The following TFG variants were observed in gnomAD, a reference collection of about 807,000 sequenced individuals.
The protein encoded by TFG is trafficking from ER to golgi regulator, also known as protein TFG.
TFG carries 22 observed loss-of-function variants against 51.4 expected under a neutral mutation model. That is an observed-to-expected ratio of 0.43 (90% confidence interval 0.31 to 0.61). The LOEUF (loss-of-function observed/expected upper bound fraction) is 0.61. Among genes scored for constraint, TFG ranks in the 20% least tolerant of loss-of-function variants. TFG has a pLI of 0.12. For synonymous variants in TFG, 187 were observed against 165.6 expected, an observed-to-expected ratio of 1.13 and a Z score of -0.99; for missense variants, 419 against 487.7, an observed-to-expected ratio of 0.86 and a Z score of 1.33.
At chr3:100,713,447 G>A (rs1237065907) in intron 1 of TFG, among the ~76,000 whole-genome samples, 196 bp from the exon 2 acceptor site, 1 of 152,158 alleles carries the variant, frequency 6.6e-6, no homozygotes, top group African/African-American at 2.4e-5. Flanking sequence ...AAAAATAATA[G>A]TAGACGTAAA....
chr3:100,724,824 G>A (rs1213641365), intron 3 of TFG, among the ~76,000 whole-genome samples: 7 of 152,172 alleles, frequency 4.6e-5, no homozygotes, highest in Non-Finnish European at 1.0e-4. Flanking sequence ...GATTAAAGGA[G>A]AAAAACTAGA....
chr3:100,724,569 A>G (rs1366128059), intron 3 of TFG, among the ~76,000 whole-genome samples: 1 of 152,194 alleles, frequency 6.6e-6, no homozygotes, highest in Non-Finnish European at 1.5e-5. Context: ...CAAACTATTC[A>G]AGAGCATAGG....
At chr3:100,741,046 A>G (rs2095119878) in intron 6 of TFG, among the ~76,000 whole-genome samples, 1 of 152,216 alleles carries the variant, frequency 6.6e-6, no homozygotes, top group Non-Finnish European at 1.5e-5. Flanking sequence ...GTCATATAAA[A>G]GTGTAGCTCA....
chr3:100,746,088 T>C (rs753897840), intron 7 of TFG, among the ~76,000 whole-genome samples: 1 of 152,206 alleles, frequency 6.6e-6, no homozygotes, highest in Non-Finnish European at 1.5e-5. Context: ...ATAAAATACA[T>C]AGAACTTAAG....
chr3:100,741,808 T>A (rs2095121996), intron 6 of TFG, among the ~76,000 whole-genome samples: 1 of 152,176 alleles, frequency 6.6e-6, no homozygotes, highest in Admixed American at 6.6e-5. Context: ...TATGTTTAGA[T>A]ACACAAATAA....
chr3:100,709,752 G>C (rs1003837518), intron 1 of TFG, 31 bp downstream of exon 1: 1 of 151,396 alleles, frequency 6.6e-6, no homozygotes, highest in Non-Finnish European at 1.5e-5. Context: ...GGTTGCGGGC[G>C]CTCTGTCCGA....
intron 2 of TFG, among the ~76,000 whole-genome samples, chr3:100,714,095 C>G (rs945570429): frequency 6.6e-6 from 1 of 151,640 alleles, no homozygotes; most frequent in African/African-American, 2.4e-5. Flanking sequence ...TGTTATTTTG[C>G]CCATTTTTAT....
chr3:100,744,831 A>G lies in TFG; in HGVS notation c.722-2A>G. 1 of 1,607,826 alleles carries G rather than the reference A, an allele frequency of 6.2e-7. No individual in the cohort carries two copies. On this transcript the variant is annotated splice_acceptor_variant, in intron 6 of 7. Coordinates refer to ENST00000240851, the MANE Select transcript of TFG (RefSeq NM_006070.6). LOFTEE classifies it high-confidence loss of function. ...CTTGTGTGTGTGTGTGTGTGTTTTC[A>G]GGTCAGATGTACCAACAGTACCAGC...
chr3:100,733,638 A>G (rs2095097888), intron 5 of TFG, among the ~76,000 whole-genome samples: 1 of 152,050 alleles, frequency 6.6e-6, no homozygotes, highest in Admixed American at 6.6e-5. Flanking sequence ...CAACTCCAGT[A>G]GGGTCACATT....
chr3:100,709,361 A>G (rs190536612), upstream of TFG: 530 of 152,574 alleles, frequency 3.5e-3, 5 homozygotes, highest in Non-Finnish European at 5.0e-3. Flanking sequence ...GTGAGAAAGC[A>G]GGGACTCTTC....
intron 4 of TFG, 122 bp downstream of exon 4, chr3:100,728,980 C>A: frequency 1.2e-6 from 1 of 819,728 alleles, no homozygotes; most frequent in Non-Finnish European, 1.9e-6. Flanking sequence ...TCTTCCTCTG[C>A]CTCTCTACTA....
At chr3:100,726,589 TAGGCC>T in intron 3 of TFG, among the ~76,000 whole-genome samples, 1 of 152,218 alleles carries the variant, frequency 6.6e-6, no homozygotes, top group Non-Finnish European at 1.5e-5. Flanking sequence ...TAACAGATTA[TAGGCC>T]ATACTAGGAA....
intron 6 of TFG, among the ~76,000 whole-genome samples, chr3:100,739,118 C>T (rs2095114569): frequency 6.6e-6 from 1 of 152,084 alleles, no homozygotes; most frequent in South Asian, 2.1e-4. Flanking sequence ...GCTACTTTTA[C>T]TTTTTGTTGT....
At chr3:100,723,855 T>G (rs915397879) in intron 3 of TFG, among the ~76,000 whole-genome samples, 1 of 151,898 alleles carries the variant, frequency 6.6e-6, no homozygotes, top group African/African-American at 2.4e-5. Context: ...CGAGTACTCA[T>G]AGTGCATTAT....
intron 7 of TFG, 111 bp from the exon 8 acceptor site, chr3:100,748,038 A>G: frequency 1.0e-6 from 1 of 970,020 alleles, no homozygotes; most frequent in Non-Finnish European, 1.5e-6. Context: ...TGTTACATAC[A>G]TATTTATTAA....
chr3:100,719,890 T>C (rs2095056006), intron 2 of TFG, 85 bp from the exon 3 acceptor site: 1 of 799,104 alleles, frequency 1.3e-6, no homozygotes, highest in Middle Eastern at 3.8e-4. Flanking sequence ...ACATTTTGGA[T>C]TTTTAATTTT....
intron 3 of TFG, among the ~76,000 whole-genome samples, chr3:100,721,537 C>T (rs1015000692): frequency 6.6e-6 from 1 of 152,046 alleles, no homozygotes; most frequent in Non-Finnish European, 1.5e-5. Context: ...GGGAAGTCTC[C>T]CTTCAGGATT....
chr3:100,741,498 A>G (rs2095121141), intron 6 of TFG, among the ~76,000 whole-genome samples: 1 of 152,226 alleles, frequency 6.6e-6, no homozygotes, highest in Non-Finnish European at 1.5e-5. Context: ...ACTTTAAGCT[A>G]AAGTATTAAA....
At chr3:100,728,985 C>G in intron 4 of TFG, 127 bp downstream of exon 4, 3 of 777,648 alleles carry the variant, frequency 3.9e-6, no homozygotes, top group Non-Finnish European at 6.0e-6. Context: ...CTCTGCCTCT[C>G]TACTAGTATT....
Sources: allele counts gnomAD v4.1 joint callset (sites outside exome capture counted in the v4.1 genomes callset), GRCh38; gene constraint gnomAD v4.1.1; transcripts MANE v1.5; gene names NCBI Gene and HGNC (gene_info 2026-07-23, HGNC 2026-07-21).